The following NAALADL1 variants were observed in gnomAD, a reference collection of about 807,000 sequenced individuals.
NAALADL1 encodes aminopeptidase NAALADL1.
In NAALADL1, 77 loss-of-function variants were observed where a neutral mutation model predicts 82.8. The ratio of observed to expected loss-of-function variants is 0.93; its 90% CI spans 0.77 to 1.12. The LOEUF (loss-of-function observed/expected upper bound fraction) is 1.12. Ranked by LOEUF, NAALADL1 falls within the 50% of genes most tolerant of loss-of-function variation. The pLI is 0.00. For synonymous variants in NAALADL1, 358 were observed against 399.2 expected, an observed-to-expected ratio of 0.90 and a Z score of 1.23; for missense variants, 956 against 964.0, an observed-to-expected ratio of 0.99 and a Z score of 0.11.
At chr11:65,051,707 G>C (rs1311434764) in intron 8 of NAALADL1, among the ~76,000 whole-genome samples, 1 of 152,012 alleles carries the variant, frequency 6.6e-6, no homozygotes, top group African/African-American at 2.4e-5. Context: ...TGGCGTGTTT[G>C]TGTGCAATTA....
chr11:65,059,692 C>T (rs911269828), upstream of NAALADL1, among the ~76,000 whole-genome samples: 8 of 152,346 alleles, frequency 5.3e-5, no homozygotes, highest in African/African-American at 1.9e-4. Context: ...CATGCAAGCA[C>T]TGTTCATTCT....
At chr11:65,048,692 CCAT>C (rs1204235670) in intron 8 of NAALADL1, among the ~76,000 whole-genome samples, 1 of 152,200 alleles carries the variant, frequency 6.6e-6, no homozygotes, top group African/African-American at 2.4e-5. Flanking sequence ...AGGCCAAACT[CCAT>C]AGCCATCTTC....
chr11:65,060,130 GTGTGTGTGTGTGTGTGTGCACGTGCA>G (rs1401842940), upstream of NAALADL1, among the ~76,000 whole-genome samples: 1 of 151,452 alleles, frequency 6.6e-6, no homozygotes, highest in Non-Finnish European at 1.5e-5. Flanking sequence ...GAGCGTGTGT[GTGTGTGTGTGTGTGTGTGCACGTGCA>G]TGTGTGTGTG....
chr11:65,047,512 C>G lies in NAALADL1; in HGVS notation c.1562G>C (p.Gly521Ala). The change falls in exon 13 of 18, where the codon GGC (glycine) becomes GCC (alanine). Residue 521 changes from glycine to alanine, a missense_variant. Physicochemically the swap from Gly to Ala is moderately conservative, Grantham distance 60. Coordinates refer to ENST00000358658, the MANE Select transcript of NAALADL1 (RefSeq NM_005468.3). Reference protein sequence around the residue: ...SDYAPFVHFLGISSMDIAYTY... With the variant: ...SDYAPFVHFLAISSMDIAYTY... ...ATAGGCAATGTCCATGGAGGAGATG[C>G]CCAGGAAGTGAACGAAGGGTGCATA... The G allele has an allele frequency of 6.4e-7, 1 of 1,570,178 alleles. No individual in the cohort carries two copies. Among genetic ancestry groups the G allele is most frequent in the South Asian group, 1.2e-5 (1 of 85,284 alleles).
chr11:65,047,926 G>A, intron 11 of NAALADL1, 55 bp downstream of exon 11: 1 of 270,990 alleles, frequency 3.7e-6, no homozygotes. Flanking sequence ...GGCCCCGTCC[G>A]CCGCACGCGG....
intron 16 of NAALADL1, 49 bp downstream of exon 16, chr11:65,045,978 C>G: frequency 6.2e-7 from 1 of 1,611,652 alleles, no homozygotes; most frequent in Non-Finnish European, 8.5e-7. Context: ...AGCCTGGTAT[C>G]CTGCCCTGGG....
At position 65,048,005 on chromosome 11, in the gene NAALADL1, G is replaced by C; in HGVS notation, c.1392C>G (p.Ser464Arg). Residue 464 changes from serine to arginine, a missense_variant, in exon 11 of 18, where the codon AGC (serine) becomes AGG (arginine). Ser to Arg is a moderately radical substitution (Grantham distance 110, BLOSUM62 -1). Transcript: ENST00000358658. Reference protein sequence around the residue: ...LRVQGTPPVQSVVFSATKEIR... With the variant: ...LRVQGTPPVQRVVFSATKEIR... ...CCTCTTTGGTTGCAGAGAAGACGAC[G>C]CTCTGGACAGGGGGCGTCCCCTGCA... 6.2e-7 allele frequency: 1 copy of C among 1,608,912 alleles called. No homozygotes were observed. Among genetic ancestry groups the C allele is most frequent in the Non-Finnish European group, 8.5e-7 (1 of 1,177,474 alleles).
At chr11:65,047,338 TG>T in intron 13 of NAALADL1, 136 bp downstream of exon 13, 24 of 692,144 alleles carry the variant, frequency 3.5e-5, no homozygotes, top group Non-Finnish European at 5.1e-5. Flanking sequence ...TGTGTGTGTG[TG>T]TTTTTTTTTA....
In NAALADL1 at chr11:65,054,459, G is replaced by C. The variant is rs767836503; in HGVS notation, c.883C>G (p.Leu295Val). The change falls in exon 5 of 18, where the codon CTC becomes GTC. Residue 295 changes from leucine to valine, a missense_variant. By Grantham distance (32) the Leu-to-Val change is conservative. Transcript: ENST00000358658. The surrounding 1 kb of genome is among the most constrained non-coding windows in gnomAD (Gnocchi z 4.3). Reference sequence around the variant, plus strand: ...CACCCCAGGGCACAAACTCACCAGAGCAGGTCTCTTGCATCCTGGAAGCCA... The same window carrying C: ...CACCCCAGGGCACAAACTCACCAGACCAGGTCTCTTGCATCCTGGAAGCCA... ...PIGFQDARDLLCNLNGTLAPA... is the reference protein window; with the variant it reads ...PIGFQDARDLVCNLNGTLAPA... 6.2e-7 allele frequency: 1 copy of C among 1,614,116 alleles called. No homozygotes were observed. Among genetic ancestry groups the C allele is most frequent in the South Asian group, 1.1e-5 (1 of 91,080 alleles).
chr11:65,059,983 TG>T (rs979537430), upstream of NAALADL1, among the ~76,000 whole-genome samples: 2 of 152,086 alleles, frequency 1.3e-5, no homozygotes, highest in Non-Finnish European at 2.9e-5. Context: ...CAGGAGGGGC[TG>T]GGGGGGTCCC....
rs1224475321 is a variant in NAALADL1, at chr11:65,045,891, T to C, written c.1967A>G (p.Asn656Ser). The change falls in exon 17 of 18, where the codon AAT (asparagine) becomes AGT (serine). Residue 656 changes from asparagine to serine, a missense_variant. Asn to Ser is a conservative substitution (Grantham distance 46). Transcript: ENST00000358658. ...CCGTTCCAAGAGCATCAACTGGTCA[T>C]TGAGCATCCGGACCTGCAGGGGGCT... ...SPDPLQVRML[N>S]DQLMLLERTF... is the part of the protein sequence containing the mutation. The C allele has an allele frequency of 1.2e-6, 2 of 1,614,110 alleles. No homozygotes were observed. Among genetic ancestry groups the C allele is most frequent in the Non-Finnish European group, 8.5e-7 (1 of 1,179,978 alleles).
chr11:65,058,398 G>C lies in NAALADL1; in HGVS notation c.124C>G (p.Leu42Val), dbSNP rs1354608705. The C allele has an allele frequency of 6.2e-7, 1 of 1,614,164 alleles. No homozygotes were observed. ...ANSLAPQDLD[L>V]EILETVMGQL... ...CCCATGACGGTCTCCAGGATCTCCA[G>C]GTCCAGGTCCTGGGGGGCCAGTGAG... Residue 42 changes from leucine (L) to valine (V), a missense_variant, in exon 1 of 18, where the codon CTG (leucine) becomes GTG (valine). Leu to Val is a conservative substitution (Grantham distance 32). Coordinates refer to ENST00000358658, the MANE Select transcript of NAALADL1 (RefSeq NM_005468.3).
At chr11:65,060,474 G>C (rs754661410), upstream of NAALADL1, among the ~76,000 whole-genome samples, 13 of 152,098 alleles carry the variant, frequency 8.5e-5, no homozygotes, top group Non-Finnish European at 1.5e-4. Context: ...GGGATGCCAA[G>C]GTCAGCTGAT....
chr11:65,050,107 C>T (rs1167946240), intron 8 of NAALADL1, among the ~76,000 whole-genome samples: 1 of 151,622 alleles, frequency 6.6e-6, no homozygotes, highest in Non-Finnish European at 1.5e-5. Flanking sequence ...AACTCCTGAC[C>T]TCAGGTGATC....
chr11:65,045,010 A>G lies in NAALADL1; in HGVS notation c.*261T>C. On this transcript the variant is annotated 3_prime_UTR_variant, in exon 18 of 18. Coordinates refer to ENST00000358658, the MANE Select transcript of NAALADL1 (RefSeq NM_005468.3). ...GTTGGCACGCATCCCATCTCCACCCACCTGCCACCAAGGGCAGTTGGTGGT... is the reference window on the plus strand; with the variant it reads ...GTTGGCACGCATCCCATCTCCACCCGCCTGCCACCAAGGGCAGTTGGTGGT... 3.3e-6 allele frequency: 2 copies of G among 604,698 alleles called. No individual in the cohort carries two copies. The highest frequency in any genetic ancestry group is 5.8e-6 in the Non-Finnish European group (2 of 347,686). The allele number at this position is 604,698 out of a possible 1,614,324, so 37.5% of individuals were successfully genotyped here.
chr11:65,058,285 A>G lies in NAALADL1; in HGVS notation c.186-35T>C, dbSNP rs534937230. ...GGGCAGAGGGAGGGGCAGGGCCAGC[A>G]TCAGGGAGGGGGCCTCTGGCAAACG... On this transcript the variant is annotated intron_variant, in intron 1 of 17. Transcript: ENST00000358658. 70 of 1,613,832 alleles carry G rather than the reference A, an allele frequency of 4.3e-5. 2 individuals carry two copies. In the South Asian group the frequency reaches 6.6e-4, roughly 15 times the overall value.
rs1013113384 is a variant in NAALADL1 at position 65,053,193 on chromosome 11, G to A, written c.1198+25C>T. The stretch of plus-strand genomic sequence containing the variant: ...GGGACCTCCGGGGGCGAAGGTCCCT[G>A]GTCCAGGGGAGGGGGCCGCCTCACC... On this transcript the variant is annotated intron_variant, in intron 8 of 17. Coordinates refer to ENST00000358658, the MANE Select transcript of NAALADL1 (RefSeq NM_005468.3). The surrounding 1 kb of genome is among the most constrained non-coding windows in gnomAD (Gnocchi z 4.3). 6.6e-7 allele frequency: 1 copy of A among 1,516,166 alleles called. No individual in the cohort carries two copies. The highest frequency in any genetic ancestry group is 8.8e-7 in the Non-Finnish European group (1 of 1,130,002). The allele number at this position is 1,516,166 out of a possible 1,614,324, so 93.9% of individuals were successfully genotyped here.
At chr11:65,048,114 G>A (rs1024757595) in intron 10 of NAALADL1, 38 bp downstream of exon 10, 2 of 1,612,466 alleles carry the variant, frequency 1.2e-6, no homozygotes, top group Non-Finnish European at 1.7e-6. Flanking sequence ...CAGTCGTCCC[G>A]CCGTCTCCTC....
Position 65,046,038 on chromosome 11 carries a change from C to T in NAALADL1, c.1932G>A (p.Lys644=). 4 of 1,613,954 alleles carry T rather than the reference C, an allele frequency of 2.5e-6. No individual in the cohort carries two copies. Among genetic ancestry groups the T allele is most frequent in the Non-Finnish European group, 2.5e-6 (3 of 1,179,978 alleles). ...CTGCCCTTGCTCACTCAGGGCTGCCCTTCTGCAGTGTTGATATGCGTTGGC... is the reference window on the plus strand; with the variant it reads ...CTGCCCTTGCTCACTCAGGGCTGCCTTTCTGCAGTGTTGATATGCGTTGGC... ...ALGQRISTLQ[K]GSPDPLQVRM... The change falls in exon 16 of 18, where the codon AAG becomes AAA. Residue 644 remains lysine (K), a synonymous_variant. Transcript: ENST00000358658.
Sources: allele counts gnomAD v4.1 joint callset (sites outside exome capture counted in the v4.1 genomes callset), GRCh38; gene constraint gnomAD v4.1.1; non-coding constraint Gnocchi (gnomAD v3.1); transcripts MANE v1.5; gene names NCBI Gene and HGNC (gene_info 2026-07-23, HGNC 2026-07-21).